The following PRKACB variants were observed in gnomAD, a reference collection of about 807,000 sequenced individuals.
The protein encoded by PRKACB is cAMP-dependent protein kinase catalytic subunit beta.
In PRKACB, 16 loss-of-function variants were observed where a neutral mutation model predicts 51.4. The observed-to-expected ratio is 0.31, with a 90% CI of 0.21 to 0.47. The LOEUF is 0.47. Ranked by LOEUF, PRKACB falls within the 20% of genes least tolerant of loss-of-function variation. The pLI, the probability that PRKACB is intolerant of heterozygous loss-of-function variation, is 1.00. For synonymous variants in PRKACB, 147 were observed against 154.4 expected, an observed-to-expected ratio of 0.95 and a Z score of 0.35; for missense variants, 309 against 464.5, an observed-to-expected ratio of 0.67 and a Z score of 3.08.
chr1:84,088,155 C>T (rs1385264561), intron 1 of PRKACB, among the ~76,000 whole-genome samples: 1 of 152,070 alleles, frequency 6.6e-6, no homozygotes, highest in African/African-American at 2.4e-5. Context: ...TTCGAAAATC[C>T]AATGTAGATG....
intron 8 of PRKACB, among the ~76,000 whole-genome samples, chr1:84,213,539 A>G (rs975152911): frequency 2.0e-5 from 3 of 152,170 alleles, no homozygotes; most frequent in Non-Finnish European, 4.4e-5. Flanking sequence ...AAGTCTTCAC[A>G]ATTTAGTAGG....
intron 1 of PRKACB, among the ~76,000 whole-genome samples, chr1:84,150,030 T>G (rs1275345674): frequency 6.6e-6 from 1 of 152,112 alleles, no homozygotes; most frequent in East Asian, 1.9e-4. Context: ...TTTGGGAGGC[T>G]GAGGTGGGCA....
At chr1:84,133,489 A>G (rs907151818) in intron 1 of PRKACB, among the ~76,000 whole-genome samples, 1 of 152,236 alleles carries the variant, frequency 6.6e-6, no homozygotes, top group Non-Finnish European at 1.5e-5. Context: ...AAGTAACAGT[A>G]GGAACAACAT....
intron 1 of PRKACB, among the ~76,000 whole-genome samples, chr1:84,174,229 A>G (rs983355730): frequency 3.3e-5 from 5 of 151,858 alleles, no homozygotes; most frequent in African/African-American, 9.7e-5. Flanking sequence ...TTTCCTGGAT[A>G]AACCATGCTC....
intron 1 of PRKACB, among the ~76,000 whole-genome samples, chr1:84,154,715 A>T (rs1426448720): frequency 1.3e-5 from 2 of 152,136 alleles, no homozygotes; most frequent in African/African-American, 4.8e-5. Flanking sequence ...GATACACCAC[A>T]ATCGAGGATG....
At position 84,144,509 on chromosome 1, in the gene PRKACB, C is replaced by T. The variant is rs2100599602; in HGVS notation, c.148C>T (p.Leu50Phe). ...DQKTALENDS[L>F]HFSEHTALWD... ...GAAAACAGCTCTGGAAAATGACAGC[C>T]TTCATTTCTCTGAACATACTGCCTT... is the stretch of plus-strand genomic sequence containing the variant. The change falls in exon 1 of 10, where the codon CTT becomes TTT. Residue 50 changes from leucine (L) to phenylalanine (F), a missense_variant. Around this residue, in one of 3 missense-constraint regions of PRKACB, gnomAD observed 153 missense variants for 190.2 expected, o/e 0.80. Transcript: ENST00000370685. 6.2e-7 allele frequency: 1 copy of T among 1,610,426 alleles called. No homozygotes were observed. Among genetic ancestry groups the T allele is most frequent in the East Asian group, 2.2e-5 (1 of 44,544 alleles).
intron 1 of PRKACB, among the ~76,000 whole-genome samples, chr1:84,105,032 A>C (rs780838703): frequency 6.6e-6 from 1 of 152,198 alleles, no homozygotes; most frequent in Admixed American, 6.5e-5. Flanking sequence ...GTTCTCTAAA[A>C]ACAAAACAAA....
At chr1:84,167,911 T>TA (rs1156328073) in intron 1 of PRKACB, among the ~76,000 whole-genome samples, 2 of 151,568 alleles carry the variant, frequency 1.3e-5, no homozygotes. Context: ...TTCTAGTATT[T>TA]AAAAAATTGG....
intron 1 of PRKACB, among the ~76,000 whole-genome samples, chr1:84,135,198 C>T (rs920352734): frequency 6.9e-6 from 1 of 145,624 alleles, no homozygotes; most frequent in South Asian, 2.1e-4. Context: ...GCATTACATA[C>T]GTATTTGGCA....
At chr1:84,140,448 A>G (rs1430398565), upstream of PRKACB, among the ~76,000 whole-genome samples, 1 of 152,218 alleles carries the variant, frequency 6.6e-6, no homozygotes, top group African/African-American at 2.4e-5. Context: ...AAGCAACACT[A>G]TTACCCTAAA....
At chr1:84,117,853 C>A (rs1014560703) in intron 1 of PRKACB, among the ~76,000 whole-genome samples, 1 of 152,092 alleles carries the variant, frequency 6.6e-6, no homozygotes, top group African/African-American at 2.4e-5. Flanking sequence ...TCTTGCTTTT[C>A]TATTTTCTTG....
intron 1 of PRKACB, among the ~76,000 whole-genome samples, chr1:84,106,748 A>G (rs1649783701): frequency 6.6e-6 from 1 of 152,204 alleles, no homozygotes; most frequent in Admixed American, 6.5e-5. Flanking sequence ...GAACTAGAAA[A>G]TACTATTCTA....
chr1:84,080,569 G>T (rs548755534), intron 1 of PRKACB, among the ~76,000 whole-genome samples: 73 of 152,256 alleles, frequency 4.8e-4, no homozygotes, highest in African/African-American at 1.8e-3. Context: ...ATTAATGTTT[G>T]TAATTTCATT....
intron 1 of PRKACB, among the ~76,000 whole-genome samples, chr1:84,169,323 T>C (rs1371676985): frequency 3.3e-5 from 5 of 151,294 alleles, no homozygotes. Context: ...AACTAAGACA[T>C]GAAACAAAGA....
At chr1:84,194,635 T>C (rs548068842) in intron 5 of PRKACB, among the ~76,000 whole-genome samples, 3 of 152,252 alleles carry the variant, frequency 2.0e-5, no homozygotes, top group East Asian at 1.9e-4. Context: ...AAGAATTCGA[T>C]TATAGGTTGA....
intron 9 of PRKACB, among the ~76,000 whole-genome samples, chr1:84,227,138 G>C (rs1572564337): frequency 6.6e-6 from 1 of 152,022 alleles, no homozygotes; most frequent in African/African-American, 2.4e-5. Context: ...TTTTGAAGTT[G>C]GGATTATATG....
intron 1 of PRKACB, chr1:84,164,812 G>C: frequency 7.2e-7 from 1 of 1,380,858 alleles, no homozygotes; most frequent in East Asian, 2.6e-5. Flanking sequence ...GATATCTCAT[G>C]CTAGGCAGTT....
chr1:84,147,621 A>G (rs1337246909), intron 1 of PRKACB, among the ~76,000 whole-genome samples: 1 of 152,048 alleles, frequency 6.6e-6, no homozygotes, highest in Non-Finnish European at 1.5e-5. Flanking sequence ...AGGCATAATG[A>G]AATAGTTGCT....
At chr1:84,090,191 C>A (rs774929791) in intron 1 of PRKACB, among the ~76,000 whole-genome samples, 109 of 152,112 alleles carry the variant, frequency 7.2e-4, no homozygotes, top group Admixed American at 4.6e-4. Flanking sequence ...TCTCTTTATA[C>A]CTCTGACTTC....
Sources: gnomAD v4.1 joint callset for allele counts (sites outside exome capture counted in the v4.1 genomes callset) on GRCh38, gnomAD v4.1.1 for gene constraint, gnomAD v4.1.1 regional missense constraint, MANE v1.5 for transcripts, NCBI Gene and HGNC (gene_info 2026-07-23, HGNC 2026-07-21) for gene names.